The following MTMR6 variants were observed in gnomAD, a reference collection of about 807,000 sequenced individuals.
The protein encoded by MTMR6 is myotubularin related protein 6, also known as phosphatidylinositol-3,5-bisphosphate 3-phosphatase MTMR6.
In MTMR6, 47 loss-of-function variants were observed where a neutral mutation model predicts 80.1. The observed-to-expected ratio is 0.59, with a 90% confidence interval of 0.46 to 0.75. The LOEUF (loss-of-function observed/expected upper bound fraction) is 0.75, where lower values mean the gene tolerates loss of function less well. Ranked by LOEUF, MTMR6 falls within the 30% of genes least tolerant of loss-of-function variation. The pLI is 0.00. For synonymous variants in MTMR6, 254 were observed against 253.0 expected, an observed-to-expected ratio of 1.00 and a Z score of -0.04; for missense variants, 629 against 730.9, an observed-to-expected ratio of 0.86 and a Z score of 1.61.
chr13:25,260,254 C>T (rs1957304324), intron 6 of MTMR6, among the ~76,000 whole-genome samples: 1 of 150,180 alleles, frequency 6.7e-6, no homozygotes, highest in Admixed American at 6.6e-5. Context: ...CCACAACCTC[C>T]GCCTCCCAGG....
chr13:25,253,577 T>C (rs1593141920), intron 11 of MTMR6, among the ~76,000 whole-genome samples, 187 bp downstream of exon 11: 1 of 152,216 alleles, frequency 6.6e-6, no homozygotes, highest in East Asian at 1.9e-4. Context: ...TTTTATAATG[T>C]GCTTTTACTA....
chr13:25,263,596 G>C (rs1957386362), intron 5 of MTMR6, among the ~76,000 whole-genome samples: 1 of 152,124 alleles, frequency 6.6e-6, no homozygotes, highest in African/African-American at 2.4e-5. Flanking sequence ...ACAACAGAAA[G>C]AATCCCAAAG....
At chr13:25,258,203 CA>C (rs1431280415) in intron 7 of MTMR6, among the ~76,000 whole-genome samples, 2 of 152,040 alleles carry the variant, frequency 1.3e-5, no homozygotes, top group Non-Finnish European at 2.9e-5. Context: ...TATCTAATAA[CA>C]TTTTTTTTGC....
At chr13:25,270,384 T>TA (rs1272967221) in intron 2 of MTMR6, among the ~76,000 whole-genome samples, 3 of 152,256 alleles carry the variant, frequency 2.0e-5, no homozygotes, top group African/African-American at 7.2e-5. Context: ...AGGGCAAACA[T>TA]AAGGGAATAT....
intron 1 of MTMR6, among the ~76,000 whole-genome samples, chr13:25,285,020 C>T (rs986477461): frequency 4.0e-5 from 6 of 151,314 alleles, no homozygotes; most frequent in Non-Finnish European, 7.4e-5. Context: ...TTTTAATAGA[C>T]AATTCATCAG....
At chr13:25,270,849 C>G (rs9581309) in intron 2 of MTMR6, among the ~76,000 whole-genome samples, 4,295 of 152,164 alleles carry the variant, frequency 0.028, 147 homozygotes, top group South Asian at 0.13. Context: ...AGGGGTGTAC[C>G]ACAGAGCAAC....
intron 1 of MTMR6, among the ~76,000 whole-genome samples, chr13:25,285,081 C>T (rs1393298003): frequency 6.6e-6 from 1 of 152,112 alleles, no homozygotes; most frequent in Non-Finnish European, 1.5e-5. Context: ...CATGAGACCA[C>T]TGTGTAAAGA....
At chr13:25,260,441 C>G (rs951571923) in intron 6 of MTMR6, 2 of 434,564 alleles carry the variant, frequency 4.6e-6, no homozygotes, top group Non-Finnish European at 7.4e-6. Context: ...GTACAATTTA[C>G]TCAAATTAAT....
chr13:25,273,742 G>T (rs191382755), intron 2 of MTMR6, among the ~76,000 whole-genome samples: 2,057 of 152,132 alleles, frequency 0.014, 16 homozygotes, highest in Middle Eastern at 0.017. Context: ...GGCCAGGCTG[G>T]TCTTGAACTC....
intron 5 of MTMR6, among the ~76,000 whole-genome samples, chr13:25,262,151 G>A (rs1183063763): frequency 1.3e-5 from 2 of 152,100 alleles, no homozygotes; most frequent in Admixed American, 6.6e-5. Context: ...TCAAGTAAAA[G>A]ATTAGTCAAT....
intron 6 of MTMR6, among the ~76,000 whole-genome samples, chr13:25,259,647 T>A (rs1957288805): frequency 6.6e-6 from 1 of 152,162 alleles, no homozygotes; most frequent in Non-Finnish European, 1.5e-5. Context: ...ATGATATATT[T>A]TCTGTGAAGA....
At chr13:25,271,796 A>G (rs928329711) in intron 2 of MTMR6, among the ~76,000 whole-genome samples, 3 of 152,208 alleles carry the variant, frequency 2.0e-5, no homozygotes, top group Admixed American at 6.5e-5. Flanking sequence ...TAGAATAGTG[A>G]TATGAAACAC....
chr13:25,262,896 C>A (rs1049046052), intron 5 of MTMR6, among the ~76,000 whole-genome samples: 2 of 152,156 alleles, frequency 1.3e-5, no homozygotes, highest in Non-Finnish European at 2.9e-5. Flanking sequence ...TATTTTCAGC[C>A]CAACTTTCCA....
At chr13:25,271,605 A>G (rs776431599) in intron 2 of MTMR6, among the ~76,000 whole-genome samples, 1 of 152,164 alleles carries the variant, frequency 6.6e-6, no homozygotes, top group Non-Finnish European at 1.5e-5. Context: ...AGGCACAGAG[A>G]CACAAGCCCC....
At chr13:25,278,073 G>A (rs971356352) in intron 1 of MTMR6, among the ~76,000 whole-genome samples, 2 of 152,160 alleles carry the variant, frequency 1.3e-5, no homozygotes, top group African/African-American at 4.8e-5. Context: ...TCAGTTATCT[G>A]AGGAGATGGA....
intron 1 of MTMR6, among the ~76,000 whole-genome samples, chr13:25,283,664 A>T (rs1957904374): frequency 6.6e-6 from 1 of 152,220 alleles, no homozygotes; most frequent in African/African-American, 2.4e-5. Context: ...CCATTTGATT[A>T]CAAACGCTAG....
At chr13:25,283,852 C>T (rs1197986643) in intron 1 of MTMR6, among the ~76,000 whole-genome samples, 1 of 152,118 alleles carries the variant, frequency 6.6e-6, no homozygotes, top group Non-Finnish European at 1.5e-5. Flanking sequence ...TGTTTCTTGG[C>T]AGGACTATGT....
chr13:25,262,404 G>A (rs1265773413), intron 5 of MTMR6, among the ~76,000 whole-genome samples: 1 of 152,184 alleles, frequency 6.6e-6, no homozygotes, highest in Non-Finnish European at 1.5e-5. Context: ...GTCTTGCTCT[G>A]TCACCCAGTT....
intron 9 of MTMR6, 72 bp from the exon 10 acceptor site, chr13:25,254,506 T>C: frequency 9.6e-7 from 1 of 1,047,092 alleles, no homozygotes; most frequent in Middle Eastern, 2.1e-4. Flanking sequence ...TTAAATCTTA[T>C]TAGTTTAAAA....
Sources: allele counts gnomAD v4.1 joint callset (sites outside exome capture counted in the v4.1 genomes callset), GRCh38; gene constraint gnomAD v4.1.1; transcripts MANE v1.5; gene names NCBI Gene and HGNC (gene_info 2026-07-23, HGNC 2026-07-21).